FRMD3: variants seen among roughly 807,000 people sequenced by gnomAD.
FRMD3 encodes the protein FERM domain-containing protein 3.
Under a neutral mutation model 70.2 loss-of-function variants are expected in FRMD3, and 33 were observed. The observed-to-expected ratio is 0.47, with a 90% CI of 0.36 to 0.63. The LOEUF is 0.63. Ranked by LOEUF, FRMD3 falls within the 20% of genes least tolerant of loss-of-function variation. FRMD3 has a pLI of 0.00. For synonymous variants in FRMD3, 279 were observed against 255.9 expected, an observed-to-expected ratio of 1.09 and a Z score of -0.86; for missense variants, 632 against 711.4, an observed-to-expected ratio of 0.89 and a Z score of 1.27.
chr9:83,491,275 A>G (rs1828818819), intron 1 of FRMD3, among the ~76,000 whole-genome samples: 2 of 152,252 alleles, frequency 1.3e-5, no homozygotes, highest in African/African-American at 4.8e-5. Flanking sequence ...GTGTGTAAGA[A>G]GGAAGGGTTG....
chr9:83,422,040 C>T (rs1348784662), intron 1 of FRMD3, among the ~76,000 whole-genome samples: 1 of 152,112 alleles, frequency 6.6e-6, no homozygotes, highest in Admixed American at 6.5e-5. Context: ...GCCTGGCCAA[C>T]GTGGTGAAAC....
intron 10 of FRMD3, among the ~76,000 whole-genome samples, chr9:83,307,949 T>C (rs1252652520): frequency 3.3e-5 from 5 of 152,292 alleles, no homozygotes; most frequent in African/African-American, 1.2e-4. Flanking sequence ...ACATGTAGAT[T>C]TTCCGAAGGC....
chr9:83,286,816 A>G (rs1834234376), intron 13 of FRMD3, among the ~76,000 whole-genome samples: 1 of 152,174 alleles, frequency 6.6e-6, no homozygotes, highest in Non-Finnish European at 1.5e-5. Flanking sequence ...AAGCTCTGAG[A>G]AGCAACAGTA....
At chr9:83,501,929 C>T (rs1327219265) in intron 1 of FRMD3, among the ~76,000 whole-genome samples, 2 of 152,186 alleles carry the variant, frequency 1.3e-5, no homozygotes, top group Non-Finnish European at 2.9e-5. Flanking sequence ...CTCCTTTCTG[C>T]TGCAACTCTA....
chr9:83,247,536 C>G lies in FRMD3; in HGVS notation c.*382G>C, dbSNP rs1832167118. The G allele has an allele frequency of 1.0e-6, 1 of 992,854 alleles. No homozygotes were observed. Among genetic ancestry groups the G allele is most frequent in the Non-Finnish European group, 1.2e-6 (1 of 832,946 alleles). The allele number at this position is 992,854 out of a possible 1,614,324, so 61.5% of individuals were successfully genotyped here. A position where few individuals can be genotyped will look rare whatever the true frequency, so the allele number is the denominator to read the frequency against. ...TAAGGATTATATTCAACAACTTTCT[C>G]TTGAGTTGTTACTAAAATTCTGATT... On this transcript the variant is annotated 3_prime_UTR_variant, in exon 14 of 14. Coordinates refer to ENST00000304195, the MANE Select transcript of FRMD3 (RefSeq NM_174938.6).
At chr9:83,248,900 C>G (rs1832267409) in intron 13 of FRMD3, among the ~76,000 whole-genome samples, 1 of 152,188 alleles carries the variant, frequency 6.6e-6, no homozygotes, top group Admixed American at 6.5e-5. Context: ...AGTAAAACAA[C>G]AGAATCTGTC....
the FRMD3 span, among the ~76,000 whole-genome samples, chr9:83,568,179 ACCCACCAG>A: frequency 6.6e-6 from 1 of 152,154 alleles, no homozygotes; most frequent in African/African-American, 2.4e-5. Flanking sequence ...CCCCTGATAA[ACCCACCAG>A]ATCTCATGAG....
chr9:83,503,951 A>T (rs1477381869), intron 1 of FRMD3, among the ~76,000 whole-genome samples: 1 of 152,216 alleles, frequency 6.6e-6, no homozygotes, highest in South Asian at 2.1e-4. Context: ...CCTGCAACTC[A>T]GGGGAACCAG....
intron 13 of FRMD3, among the ~76,000 whole-genome samples, chr9:83,252,815 A>G (rs1832492514): frequency 6.6e-6 from 1 of 152,208 alleles, no homozygotes; most frequent in Admixed American, 6.5e-5. Context: ...AGAGCTAACT[A>G]TCCTAAATAT....
intron 4 of FRMD3, among the ~76,000 whole-genome samples, 154 bp from the exon 5 acceptor site, chr9:83,343,441 A>G (rs1823843047): frequency 1.3e-5 from 2 of 152,030 alleles, no homozygotes; most frequent in African/African-American, 4.8e-5. Context: ...CAAGCAGAGG[A>G]AAGCTGAGAG....
intron 1 of FRMD3, among the ~76,000 whole-genome samples, chr9:83,506,809 TTAGCTTAAAACAAAAAC>T (rs1829192346): frequency 6.6e-6 from 1 of 152,250 alleles, no homozygotes; most frequent in South Asian, 2.1e-4. Context: ...GTAATAATAC[TTAGCTTAAAACAAAAAC>T]ATTGTACAGC....
At chr9:83,562,832 C>T in the FRMD3 span, among the ~76,000 whole-genome samples, 2 of 152,024 alleles carry the variant, frequency 1.3e-5, no homozygotes, top group African/African-American at 4.8e-5. Flanking sequence ...CCTTTCATTT[C>T]GGAGCTCTGG....
intron 1 of FRMD3, among the ~76,000 whole-genome samples, chr9:83,414,367 G>T (rs1042700781): frequency 2.0e-5 from 3 of 152,058 alleles, no homozygotes; most frequent in African/African-American, 7.2e-5. Context: ...AATGTGAAAG[G>T]TAAAACAATT....
At chr9:83,243,169 G>A (rs1206823937), downstream of FRMD3, 22 of 1,549,184 alleles carry the variant, frequency 1.4e-5, no homozygotes, top group Non-Finnish European at 1.9e-5. Context: ...AGTCTTGGCT[G>A]AGCTCACCAC....
chr9:83,304,923 C>T (rs1293919613), intron 10 of FRMD3, among the ~76,000 whole-genome samples: 4 of 152,202 alleles, frequency 2.6e-5, no homozygotes, highest in Admixed American at 2.6e-4. Flanking sequence ...TGCGTCTGGG[C>T]TCCATTCCCA....
At chr9:83,465,439 A>G (rs1303264841) in intron 1 of FRMD3, among the ~76,000 whole-genome samples, 2 of 152,194 alleles carry the variant, frequency 1.3e-5, no homozygotes, top group South Asian at 2.1e-4. Flanking sequence ...TAATAAATAA[A>G]TAAATAACAA....
chr9:83,478,884 T>C (rs1392139636), intron 1 of FRMD3, among the ~76,000 whole-genome samples: 1 of 152,160 alleles, frequency 6.6e-6, no homozygotes, highest in Non-Finnish European at 1.5e-5. Flanking sequence ...ACAGAGCTTC[T>C]GCATATTATG....
intron 1 of FRMD3, among the ~76,000 whole-genome samples, chr9:83,448,545 C>T (rs1827547908): frequency 6.6e-6 from 1 of 152,126 alleles, no homozygotes. Context: ...CCAGGGGTGG[C>T]CAATACAGGT....
At chr9:83,556,593 C>G in the FRMD3 span, among the ~76,000 whole-genome samples, 1 of 152,042 alleles carries the variant, frequency 6.6e-6, no homozygotes, top group Non-Finnish European at 1.5e-5. Flanking sequence ...TATTAAATGA[C>G]TGATTTTTTA....
Sources: gnomAD v4.1 joint callset for allele counts (sites outside exome capture counted in the v4.1 genomes callset) on GRCh38, gnomAD v4.1.1 for gene constraint, MANE v1.5 for transcripts, NCBI Gene and HGNC (gene_info 2026-07-23, HGNC 2026-07-21) for gene names.